Variants in PODN observed in about 807,000 individuals in gnomAD.
PODN encodes the protein podocan proteoglycan.
Under a neutral mutation model 52.7 loss-of-function variants are expected in PODN, and 40 were observed. The ratio of observed to expected loss-of-function variants is 0.76; its 90% CI spans 0.59 to 0.99. The LOEUF is 0.99. Ranked by LOEUF, PODN falls within the 50% of genes least tolerant of loss-of-function variation. PODN has a pLI of 0.00. For missense variants in PODN, 720 were observed against 815.1 expected (o/e 0.88, Z 1.42); for synonymous variants, 396 against 377.9 (o/e 1.05, Z -0.56).
chr1:53,063,444 C>G, intron 1 of PODN: 1 of 985,554 alleles, frequency 1.0e-6, no homozygotes, highest in Non-Finnish European at 1.2e-6. Context: ...TGGGTGGTCC[C>G]GTCCCCTATC....
At chr1:53,079,567 G>A (rs2150305185) in intron 8 of PODN, among the ~76,000 whole-genome samples, 1 of 152,300 alleles carries the variant, frequency 6.6e-6, no homozygotes, top group South Asian at 2.1e-4. Flanking sequence ...GAGGGCTGGA[G>A]GTGGGGATCT....
chr1:53,074,738 A>G (rs751625247), intron 4 of PODN, 68 bp downstream of exon 4: 7 of 1,410,706 alleles, frequency 5.0e-6, no homozygotes, highest in Non-Finnish European at 5.8e-6. Flanking sequence ...CCTGAGTTCC[A>G]TGAACTTTCA....
At chr1:53,073,953 T>G (rs1193245889) in intron 3 of PODN, among the ~76,000 whole-genome samples, 1 of 152,270 alleles carries the variant, frequency 6.6e-6, no homozygotes, top group Non-Finnish European at 1.5e-5. Context: ...CAGCCGCCTC[T>G]CTCGTGTTGC....
rs377634503 is a variant in PODN at position 53,077,837 on chromosome 1, C to G, written c.854+37C>G. ...TCTCACCAGGTCCTTGGCGTGACCA[C>G]GGGGCCCGGGAAGCTCCTTCAGGGC... is the stretch of plus-strand genomic sequence containing the variant. On this transcript the variant is annotated intron_variant, in intron 7 of 10. Coordinates refer to ENST00000312553, the MANE Select transcript of PODN (RefSeq NM_153703.5). 2.5e-6 allele frequency: 4 copies of G among 1,575,144 alleles called. No individual in the cohort carries two copies. In the African/African-American group the frequency reaches 4.1e-5, roughly 16 times the overall value.
intron 10 of PODN, 71 bp downstream of exon 10, chr1:53,082,259 G>A: frequency 2.1e-6 from 3 of 1,403,670 alleles, no homozygotes; most frequent in Non-Finnish European, 2.8e-6. Context: ...CTGGTAGAGG[G>A]TCTTTCTGTC....
chr1:53,070,579 T>C (rs1158469102), intron 2 of PODN, among the ~76,000 whole-genome samples: 1 of 152,210 alleles, frequency 6.6e-6, no homozygotes, highest in Non-Finnish European at 1.5e-5. Flanking sequence ...GATGGAGTGC[T>C]GTCTCCAGCC....
rs1402097809 is a variant in PODN, at chr1:53,071,563, A to G, written c.341A>G (p.Glu114Gly). 2.5e-6 allele frequency: 4 copies of G among 1,613,776 alleles called. No individual in the cohort carries two copies. The highest frequency in any genetic ancestry group is 3.4e-6 in the Non-Finnish European group (4 of 1,179,900). Residue 114 changes from glutamate to glycine, a missense_variant, in exon 3 of 11, where the codon GAG becomes GGG. Coordinates refer to ENST00000312553, the MANE Select transcript of PODN (RefSeq NM_153703.5). ...AACCAGCTGGAAAAGATCTACCCTGAGGAGCTCTCCCGGCTGCACCGGCTG... is the reference window on the plus strand; with the variant it reads ...AACCAGCTGGAAAAGATCTACCCTGGGGAGCTCTCCCGGCTGCACCGGCTG... ...QNNQLEKIYPEELSRLHRLET... is the reference protein window; with the variant it reads ...QNNQLEKIYPGELSRLHRLET...
At chr1:53,068,310 T>C (rs923744545) in intron 1 of PODN, among the ~76,000 whole-genome samples, 4 of 152,226 alleles carry the variant, frequency 2.6e-5, no homozygotes, top group Non-Finnish European at 5.9e-5. Flanking sequence ...GACCAGGGTC[T>C]TGCCAGACCC....
chr1:53,078,650 C>T lies in PODN; in HGVS notation c.1140C>T (p.Arg380=), dbSNP rs777629265. ...AGCGCGTGCCCAGTGGCCTGCCTCG[C>T]CGCGTGCGCACCCTCATGATCCTGC... ...ALERVPSGLP[R]RVRTLMILHN... Residue 380 remains arginine (R), a synonymous_variant, in exon 8 of 11, where the codon CGC becomes CGT. Coordinates refer to ENST00000312553, the MANE Select transcript of PODN (RefSeq NM_153703.5). 1 of 1,612,968 alleles carries T rather than the reference C, an allele frequency of 6.2e-7. No homozygotes were observed. Among genetic ancestry groups the T allele is most frequent in the African/African-American group, 1.3e-5 (1 of 74,952 alleles).
intron 9 of PODN, 78 bp from the exon 10 acceptor site, chr1:53,081,903 C>A: frequency 6.6e-7 from 1 of 1,521,110 alleles, no homozygotes; most frequent in East Asian, 2.3e-5. Flanking sequence ...CTGTTACCTT[C>A]TGGAGAGGCC....
Position 53,062,280 on chromosome 1 carries a change from G to A in PODN, c.-84G>A. 1 of 1,264,990 alleles carries A rather than the reference G, an allele frequency of 7.9e-7. No individual in the cohort carries two copies. Among genetic ancestry groups the A allele is most frequent in the Non-Finnish European group, 1.0e-6 (1 of 998,336 alleles). The allele number at this position is 1,264,990 out of a possible 1,614,324, so 78.4% of individuals were successfully genotyped here. Reference sequence around the variant, plus strand: ...ACTGGGGGAGCGCGTTCGGCCTGTGGGGCGCCGCTCGGCGCCGGGGCGCAG... The same window carrying A: ...ACTGGGGGAGCGCGTTCGGCCTGTGAGGCGCCGCTCGGCGCCGGGGCGCAG... On this transcript the variant is annotated 5_prime_UTR_variant, in exon 1 of 11. Transcript: ENST00000312553.
chr1:53,075,451 C>T (rs189452981), intron 4 of PODN, among the ~76,000 whole-genome samples: 12 of 152,348 alleles, frequency 7.9e-5, no homozygotes, highest in East Asian at 1.9e-4. Flanking sequence ...CAGCTCTTAC[C>T]GCACTGGCCC....
rs1464922784 is a variant in PODN, at chr1:53,078,511, G to C, written c.1001G>C (p.Ser334Thr). Residue 334 changes from serine to threonine, a missense_variant, in exon 8 of 11, where the codon AGC (serine) becomes ACC (threonine). By Grantham distance (58) the Ser-to-Thr change is moderately conservative (BLOSUM62 1). Coordinates refer to ENST00000312553, the MANE Select transcript of PODN (RefSeq NM_153703.5). ...VDANVLTPIRSLEYLLLHSNQ... is the reference protein window; with the variant it reads ...VDANVLTPIRTLEYLLLHSNQ... The stretch of plus-strand genomic sequence containing the variant: ...GCGAATGTGCTGACCCCCATCCGCA[G>C]CCTGGAGTACCTGCTGCTGCACAGC... 1 of 1,613,304 alleles carries C rather than the reference G, an allele frequency of 6.2e-7. No homozygotes were observed.
At chr1:53,072,312 C>G (rs1300628311) in intron 3 of PODN, among the ~76,000 whole-genome samples, 2 of 152,142 alleles carry the variant, frequency 1.3e-5, no homozygotes, top group African/African-American at 4.8e-5. Context: ...CATGTTTACA[C>G]TTGTGATTCT....
intron 1 of PODN, among the ~76,000 whole-genome samples, chr1:53,065,413 G>A (rs1644017556): frequency 6.6e-6 from 1 of 152,118 alleles, no homozygotes; most frequent in Non-Finnish European, 1.5e-5. Flanking sequence ...GTATGGCCAA[G>A]GTCACACGGC....
chr1:53,070,780 A>G (rs17107836), intron 2 of PODN: 7,469 of 155,516 alleles, frequency 0.048, 270 homozygotes, highest in East Asian at 0.19. Flanking sequence ...ACTGGCATCC[A>G]CACTGGTGGG....
At chr1:53,062,349 G>T in intron 1 of PODN, 41 bp downstream of exon 1, 1 of 1,219,840 alleles carries the variant, frequency 8.2e-7, no homozygotes, top group African/African-American at 1.6e-5. Flanking sequence ...AGGGGCCGGG[G>T]GCTGAGCCCG....
Position 53,070,104 on chromosome 1 carries a change from C to A in PODN, c.249C>A (p.Gly83=), listed in dbSNP as rs146059876. ...ACSQEGVVDC[G]GIDLREFPGD... ...CCCAGGAGGGCGTCGTGGACTGTGG[C>A]GGTATTGACCTGCGTGAGTTCCCGG... Residue 83 remains glycine, a synonymous_variant, in exon 2 of 11, where the codon GGC becomes GGA. Transcript: ENST00000312553. 9 of 1,612,506 alleles carry A rather than the reference C, an allele frequency of 5.6e-6. No homozygotes were observed. The highest frequency in any genetic ancestry group is 1.3e-5 in the African/African-American group (1 of 74,894).
At chr1:53,062,491 G>A (rs1320796035) in intron 1 of PODN, among the ~76,000 whole-genome samples, 183 bp downstream of exon 1, 1 of 152,204 alleles carries the variant, frequency 6.6e-6, no homozygotes, top group Non-Finnish European at 1.5e-5. Context: ...TCTGGAGTGC[G>A]ACCCCTGCGC....
Sources: allele counts gnomAD v4.1 joint callset (sites outside exome capture counted in the v4.1 genomes callset), GRCh38; gene constraint gnomAD v4.1.1; transcripts MANE v1.5; gene names NCBI Gene and HGNC (gene_info 2026-07-23, HGNC 2026-07-21).